The following SLIT3 variants were observed in gnomAD, a reference collection of about 807,000 sequenced individuals.
SLIT3 encodes slit homolog 3 protein.
A neutral mutation model predicts 184.0 loss-of-function variants in SLIT3; 68 were observed. The ratio of observed to expected loss-of-function variants is 0.37; its 90% CI spans 0.30 to 0.45. The LOEUF is 0.45. Among genes scored for constraint, SLIT3 ranks in the 20% least tolerant of loss-of-function variants. The pLI, the probability that SLIT3 is intolerant of heterozygous loss-of-function variation, is 1.00. For missense variants in SLIT3, 1,707 were observed against 2,026.0 expected (o/e 0.84, Z 3.02); for synonymous variants, 831 against 828.6 (o/e 1.00, Z -0.05).
rs752600906 is a variant in SLIT3 at position 168,845,115 on chromosome 5, T to C, written c.486-460A>G. Among the ~76,000 whole-genome samples, 110 of 152,260 alleles carry C rather than the reference T, an allele frequency of 7.2e-4. 1 individual carries two copies. The highest frequency in any genetic ancestry group is 1.4e-3 in the Admixed American group (22 of 15,304). On this transcript the variant is annotated intron_variant, in intron 5 of 35. Transcript: ENST00000519560. ...CTCCCTTTTACTGGAAGTTGCAGTC[T>C]TCTGCTCTGACACAGTGCTAAATCT...
At chr5:168,746,620 A>G (rs111065488) in intron 20 of SLIT3, among the ~76,000 whole-genome samples, 49,141 of 52,588 alleles carry the variant, frequency 0.93, 22,952 homozygotes, top group East Asian at 1. Flanking sequence ...GGTGTGTAGT[A>G]TGGTGGTGTG....
intron 4 of SLIT3, among the ~76,000 whole-genome samples, chr5:169,040,970 A>C (rs1393819725): frequency 6.6e-6 from 1 of 152,212 alleles, no homozygotes; most frequent in Non-Finnish European, 1.5e-5. Flanking sequence ...GGAGTGATTC[A>C]TAGGTGTACT....
At position 168,847,172 on chromosome 5, in the gene SLIT3, T is replaced by C. The variant is rs78318859; in HGVS notation, c.486-2517A>G. Among the ~76,000 whole-genome samples, 132 of 152,324 alleles carry C rather than the reference T, an allele frequency of 8.7e-4. 2 individuals are homozygous for C. The East Asian group carries it at 0.024, about 27-fold the overall frequency. ...GGCACAAGTTGACATCAAGTTTATTTGCAATGGGGAAAACTGAGCTTTACT... is the reference window on the plus strand; with the variant it reads ...GGCACAAGTTGACATCAAGTTTATTCGCAATGGGGAAAACTGAGCTTTACT... On this transcript the variant is annotated intron_variant, in intron 5 of 35. Transcript: ENST00000519560.
At chr5:169,244,632 A>C (rs542903257) in intron 3 of SLIT3, 73 bp downstream of exon 3, 2 of 1,390,964 alleles carry the variant, frequency 1.4e-6, no homozygotes, top group Admixed American at 3.6e-5. Flanking sequence ...AATTTACAAA[A>C]ACAAAACAAA....
At chr5:169,217,654 C>T (rs17668010) in intron 3 of SLIT3, among the ~76,000 whole-genome samples, 9,309 of 152,238 alleles carry the variant, frequency 0.061, 388 homozygotes, top group Middle Eastern at 0.1. Flanking sequence ...ACGCTCAACA[C>T]CAGTGTCTGC....
chr5:169,017,722 T>C (rs189156963), intron 4 of SLIT3: 2 of 152,270 alleles, frequency 1.3e-5, no homozygotes, highest in Admixed American at 1.3e-4. Context: ...GGGGTGTAAA[T>C]AAGCAGTCCA....
intron 6 of SLIT3, among the ~76,000 whole-genome samples, chr5:168,844,347 G>A (rs1758376300): frequency 6.6e-6 from 1 of 152,140 alleles, no homozygotes; most frequent in African/African-American, 2.4e-5. Context: ...TTAATTAGCA[G>A]GAACCTCAGT....
intron 4 of SLIT3, among the ~76,000 whole-genome samples, chr5:169,115,146 G>C (rs1311668892): frequency 6.6e-6 from 1 of 152,274 alleles, no homozygotes; most frequent in East Asian, 1.9e-4. Flanking sequence ...TCTAAGCAAG[G>C]AATACAAATC....
At position 169,277,794 on chromosome 5, in the gene SLIT3, G is replaced by A. The variant is rs139379407; in HGVS notation, c.197+22719C>T. Among the ~76,000 whole-genome samples the A allele has an allele frequency of 6.2e-4, 94 of 152,226 alleles. 1 individual carries two copies. Among genetic ancestry groups the A allele is most frequent in the African/African-American group, 2.0e-3 (82 of 41,542 alleles). On this transcript the variant is annotated intron_variant, in intron 1 of 35. Transcript: ENST00000519560. ...TAATTAAGACTGGAATTGCCAGATC[G>A]TATGGTAGTCCTACGTTTAAATTTT... is the stretch of plus-strand genomic sequence containing the variant.
intron 5 of SLIT3, 120 bp downstream of exon 5, chr5:168,883,145 G>C: frequency 1.4e-6 from 1 of 714,962 alleles, no homozygotes; most frequent in South Asian, 1.7e-5. Flanking sequence ...CTCAAGCACA[G>C]CCCTCAATTT....
chr5:168,919,358 A>G (rs1202457858), intron 4 of SLIT3, among the ~76,000 whole-genome samples: 1 of 152,174 alleles, frequency 6.6e-6, no homozygotes, highest in Non-Finnish European at 1.5e-5. Flanking sequence ...ATCTCTATCA[A>G]TGATTGCCCC....
intron 5 of SLIT3, among the ~76,000 whole-genome samples, chr5:168,862,124 T>C (rs1311895781): frequency 2.0e-5 from 3 of 152,132 alleles, no homozygotes; most frequent in African/African-American, 7.2e-5. Flanking sequence ...TGTTTAAGGC[T>C]AACACTGGGT....
At chr5:169,216,773 G>T (rs1425192266) in intron 3 of SLIT3, among the ~76,000 whole-genome samples, 3 of 152,146 alleles carry the variant, frequency 2.0e-5, no homozygotes, top group Admixed American at 6.5e-5. Context: ...GCCTGAGTTT[G>T]TCTTTTCTCT....
At chr5:169,156,768 C>T (rs1365276659) in intron 4 of SLIT3, among the ~76,000 whole-genome samples, 2 of 152,156 alleles carry the variant, frequency 1.3e-5, no homozygotes, top group African/African-American at 2.4e-5. Flanking sequence ...GGAAAGATGG[C>T]GTAGATGTGC....
At chr5:168,866,153 G>A (rs1161083580) in intron 5 of SLIT3, among the ~76,000 whole-genome samples, 6 of 152,198 alleles carry the variant, frequency 3.9e-5, no homozygotes, top group African/African-American at 1.4e-4. Flanking sequence ...GCCTAGCCGG[G>A]GTCATGTTTC....
chr5:168,868,336 G>T (rs889367658), intron 5 of SLIT3, among the ~76,000 whole-genome samples: 1 of 152,164 alleles, frequency 6.6e-6, no homozygotes, highest in Non-Finnish European at 1.5e-5. Flanking sequence ...TGTTGCCCAG[G>T]CTGGAGTGCA....
intron 4 of SLIT3, among the ~76,000 whole-genome samples, chr5:168,982,936 C>A (rs948681669): frequency 6.6e-6 from 1 of 152,182 alleles, no homozygotes; most frequent in Admixed American, 6.5e-5. Context: ...GACCTTATTT[C>A]AAACACAATC....
At chr5:168,976,662 C>G (rs1754774464) in intron 4 of SLIT3, among the ~76,000 whole-genome samples, 2 of 152,182 alleles carry the variant, frequency 1.3e-5, no homozygotes, top group African/African-American at 4.8e-5. Flanking sequence ...CTGTGTGCAT[C>G]TATCCCTGGG....
At chr5:169,208,877 T>C (rs1764161491) in intron 3 of SLIT3, among the ~76,000 whole-genome samples, 1 of 152,158 alleles carries the variant, frequency 6.6e-6, no homozygotes, top group South Asian at 2.1e-4. Flanking sequence ...GGCAATACAA[T>C]TCAGGAGATA....
Sources: gnomAD v4.1 joint callset for allele counts (sites outside exome capture counted in the v4.1 genomes callset) on GRCh38, gnomAD v4.1.1 for gene constraint, MANE v1.5 for transcripts, NCBI Gene and HGNC (gene_info 2026-07-23, HGNC 2026-07-21) for gene names.